The following FCHSD2 variants were observed in gnomAD, a reference collection of about 807,000 sequenced individuals.
FCHSD2 encodes the protein F-BAR and double SH3 domains protein 2.
Under a neutral mutation model 108.1 loss-of-function variants are expected in FCHSD2, and 38 were observed. That is an observed-to-expected ratio of 0.35 (90% CI 0.27 to 0.46). The LOEUF (loss-of-function observed/expected upper bound fraction) is 0.46, where lower values mean the gene tolerates loss of function less well. FCHSD2 is among the 20% of genes least tolerant of loss of function. The pLI is 1.00. For missense variants in FCHSD2, 751 were observed against 897.8 expected (o/e 0.84, Z 2.09); for synonymous variants, 279 against 314.7 (o/e 0.89, Z 1.20).
At chr11:72,927,011 T>G (rs1856090169) in intron 8 of FCHSD2, among the ~76,000 whole-genome samples, 1 of 152,192 alleles carries the variant, frequency 6.6e-6, no homozygotes, top group African/African-American at 2.4e-5. Context: ...ACCACTCTTT[T>G]TAAAAAGGCA....
At chr11:73,057,414 T>A (rs1021076794) in intron 3 of FCHSD2, among the ~76,000 whole-genome samples, 55 of 152,160 alleles carry the variant, frequency 3.6e-4, no homozygotes, top group African/African-American at 1.3e-3. Context: ...TTCCTTACTG[T>A]GGTAATTATG....
chr11:73,015,428 T>C (rs1358746399), intron 4 of FCHSD2, among the ~76,000 whole-genome samples: 1 of 152,190 alleles, frequency 6.6e-6, no homozygotes, highest in Non-Finnish European at 1.5e-5. Context: ...ATTTCAAAAG[T>C]ATCAGTGAAG....
At chr11:73,123,630 C>T (rs746301927) in intron 2 of FCHSD2, among the ~76,000 whole-genome samples, 1 of 152,188 alleles carries the variant, frequency 6.6e-6, no homozygotes, top group Non-Finnish European at 1.5e-5. Flanking sequence ...TGTCATCACA[C>T]TATAATGGCA....
intron 9 of FCHSD2, among the ~76,000 whole-genome samples, chr11:72,911,053 T>A (rs977965192): frequency 6.6e-6 from 1 of 152,208 alleles, no homozygotes. Context: ...AGGGTATTAC[T>A]CAATCTTTGC....
intron 2 of FCHSD2, among the ~76,000 whole-genome samples, chr11:73,100,199 T>G (rs1385896330): frequency 6.6e-6 from 1 of 152,024 alleles, no homozygotes; most frequent in African/African-American, 2.4e-5. Context: ...CCCACCTCCT[T>G]GTCACCAAAA....
At chr11:72,866,503 C>T (rs1854727767) in intron 13 of FCHSD2, among the ~76,000 whole-genome samples, 1 of 152,122 alleles carries the variant, frequency 6.6e-6, no homozygotes, top group Non-Finnish European at 1.5e-5. Flanking sequence ...CTCCTGACCT[C>T]AGGTGATCCA....
chr11:72,935,403 CTTCTT>C (rs1407224383), intron 8 of FCHSD2, among the ~76,000 whole-genome samples: 1 of 152,158 alleles, frequency 6.6e-6, no homozygotes, highest in African/African-American at 2.4e-5. Flanking sequence ...AAAACAAACT[CTTCTT>C]TTCTGAGAGC....
At chr11:73,020,940 TCATA>T (rs1244051037) in intron 3 of FCHSD2, among the ~76,000 whole-genome samples, 2 of 152,116 alleles carry the variant, frequency 1.3e-5, no homozygotes, top group African/African-American at 4.8e-5. Context: ...AGTGGCATGA[TCATA>T]GCTCACTGAA....
intron 12 of FCHSD2, among the ~76,000 whole-genome samples, chr11:72,885,412 T>C (rs1855176284): frequency 6.6e-6 from 1 of 152,210 alleles, no homozygotes; most frequent in Non-Finnish European, 1.5e-5. Context: ...CATCGTGGTA[T>C]GAGAATTTCA....
intron 2 of FCHSD2, among the ~76,000 whole-genome samples, chr11:73,138,694 C>T (rs994781860): frequency 2.6e-5 from 4 of 151,248 alleles, no homozygotes; most frequent in South Asian, 2.1e-4. Flanking sequence ...CTGCAACCTC[C>T]GCCTACTAGG....
In FCHSD2 at chr11:73,141,979, G is replaced by C. The variant is rs915967618; in HGVS notation, c.-102C>G. 1 of 1,209,304 alleles carries C rather than the reference G, an allele frequency of 8.3e-7. No homozygotes were observed. Among genetic ancestry groups the C allele is most frequent in the African/African-American group, 1.5e-5 (1 of 65,534 alleles). 74.9% of individuals were successfully genotyped at this position (1,209,304 alleles called of 1,614,324 possible). On this transcript the variant is annotated 5_prime_UTR_variant, in exon 1 of 20. Coordinates refer to ENST00000409418, the MANE Select transcript of FCHSD2 (RefSeq NM_014824.3). The stretch of plus-strand genomic sequence containing the variant: ...GGGACGGCCCAGCGAGCGCGCGCGT[G>C]TGTGAAAGGAGCGCTTAAGAAGCAA...
intron 2 of FCHSD2, among the ~76,000 whole-genome samples, chr11:73,108,518 T>C (rs554991313): frequency 6.6e-6 from 1 of 152,218 alleles, no homozygotes; most frequent in East Asian, 1.9e-4. Flanking sequence ...TGTTTTCTTT[T>C]AGCAGTTTCA....
At chr11:72,994,728 T>G (rs1422917956) in intron 5 of FCHSD2, among the ~76,000 whole-genome samples, 2 of 152,072 alleles carry the variant, frequency 1.3e-5, no homozygotes, top group Non-Finnish European at 2.9e-5. Flanking sequence ...ATCATGCCAC[T>G]GCACTCCAGC....
At chr11:72,986,323 C>T (rs1437806238) in intron 6 of FCHSD2, among the ~76,000 whole-genome samples, 4 of 152,148 alleles carry the variant, frequency 2.6e-5, no homozygotes, top group Non-Finnish European at 5.9e-5. Context: ...CATTCTCCTG[C>T]CTCAGCCTCC....
rs184399276 is a variant in FCHSD2 at position 72,916,835 on chromosome 11, C to T, written c.828+4993G>A. On this transcript the variant is annotated intron_variant, in intron 9 of 19. Transcript: ENST00000409418. ...TTTCTTTCGTTACTTGTGCTTTCAACGTCAAATCTGAGAATGCACTGCCAA... is the reference window on the plus strand; with the variant it reads ...TTTCTTTCGTTACTTGTGCTTTCAATGTCAAATCTGAGAATGCACTGCCAA... Among the ~76,000 whole-genome samples, 987 of 152,234 alleles carry T rather than the reference C, an allele frequency of 6.5e-3. 4 individuals are homozygous for T. The highest frequency in any genetic ancestry group is 9.6e-3 in the Non-Finnish European group (655 of 68,018).
rs552866030 is a variant in FCHSD2, at chr11:73,081,995, C to G, written c.165+1700G>C. ...AGGTGGGCGGATCACCTAAGGTCAG[C>G]AGTTCGAGACCAGCCTGGCCAACAT... On this transcript the variant is annotated intron_variant, in intron 3 of 19. Coordinates refer to ENST00000409418, the MANE Select transcript of FCHSD2 (RefSeq NM_014824.3). Among the ~76,000 whole-genome samples, 427 of 151,842 alleles carry G rather than the reference C, an allele frequency of 2.8e-3. 1 individual carries two copies. The highest frequency in any genetic ancestry group is 9.8e-3 in the African/African-American group (407 of 41,428).
intron 4 of FCHSD2, among the ~76,000 whole-genome samples, chr11:73,002,576 T>A (rs183123969): frequency 6.6e-6 from 1 of 152,192 alleles, no homozygotes; most frequent in Admixed American, 6.5e-5. Flanking sequence ...TAATTTATAC[T>A]TAAAATACAT....
At chr11:73,091,169 T>C (rs1859946947) in intron 2 of FCHSD2, among the ~76,000 whole-genome samples, 1 of 152,234 alleles carries the variant, frequency 6.6e-6, no homozygotes, top group African/African-American at 2.4e-5. Flanking sequence ...CATTTATTGA[T>C]AGACATTTGG....
chr11:72,969,917 G>T (rs1247614947), intron 8 of FCHSD2, among the ~76,000 whole-genome samples: 1 of 152,322 alleles, frequency 6.6e-6, no homozygotes, highest in East Asian at 1.9e-4. Flanking sequence ...AGGAATAGGG[G>T]ACTGGGCTCA....
Sources: gnomAD v4.1 joint callset for allele counts (sites outside exome capture counted in the v4.1 genomes callset) on GRCh38, gnomAD v4.1.1 for gene constraint, MANE v1.5 for transcripts, NCBI Gene and HGNC (gene_info 2026-07-23, HGNC 2026-07-21) for gene names.